Variants in APBB2 observed in about 807,000 individuals in gnomAD.
The protein encoded by APBB2 is Fe65-like 1.
In APBB2, 38 loss-of-function variants were observed where a neutral mutation model predicts 82.5. The ratio of observed to expected loss-of-function variants is 0.46; its 90% confidence interval spans 0.36 to 0.60. APBB2 has a LOEUF of 0.60. APBB2 is among the 20% of genes least tolerant of loss of function. APBB2 has a pLI of 0.00. For missense variants in APBB2, 772 were observed against 972.3 expected, an observed-to-expected ratio of 0.79 and a Z score of 2.74; for synonymous variants, 341 against 368.2, an observed-to-expected ratio of 0.93 and a Z score of 0.85.
intron 5 of APBB2, among the ~76,000 whole-genome samples, chr4:41,023,546 G>C (rs1416621937): frequency 1.3e-5 from 2 of 152,048 alleles, no homozygotes; most frequent in East Asian, 3.9e-4. Flanking sequence ...CAACAGCCAA[G>C]CAGGGAGCCA....
At chr4:40,961,774 C>G (rs928085741) in intron 6 of APBB2, among the ~76,000 whole-genome samples, 1 of 145,570 alleles carries the variant, frequency 6.9e-6, no homozygotes, top group East Asian at 2.2e-4. Context: ...ATAACTTCAT[C>G]GGTTATGATT....
At chr4:40,834,664 C>T (rs1251645761) in intron 12 of APBB2, among the ~76,000 whole-genome samples, 1 of 152,082 alleles carries the variant, frequency 6.6e-6, no homozygotes, top group African/African-American at 2.4e-5. Context: ...TCTAGGTGGG[C>T]CCCGCAAATT....
At position 40,818,640 on chromosome 4, in the gene APBB2, C is replaced by T. The variant is rs1746659321; in HGVS notation, c.2113-2381G>A. Among the ~76,000 whole-genome samples, 3 of 152,258 alleles carry T rather than the reference C, an allele frequency of 2.0e-5. No homozygotes were observed. In the South Asian group the frequency reaches 6.2e-4, roughly 32 times the overall value. The stretch of plus-strand genomic sequence containing the variant: ...GGTTCACCTGACTCCTCTACTGTCC[C>T]TGCTCCCCTGAACCCCAGCCCTGCT... On this transcript the variant is annotated intron_variant, in intron 17 of 17. Coordinates refer to ENST00000508593, the MANE Select transcript of APBB2 (RefSeq NM_004307.2).
At chr4:40,968,810 T>C (rs753014798) in intron 6 of APBB2, among the ~76,000 whole-genome samples, 13 of 152,328 alleles carry the variant, frequency 8.5e-5, no homozygotes, top group Non-Finnish European at 1.3e-4. Context: ...TCTCTTGATA[T>C]GGTTTGGCTG....
chr4:40,972,014 C>T (rs571772392), intron 6 of APBB2, among the ~76,000 whole-genome samples: 18 of 152,216 alleles, frequency 1.2e-4, no homozygotes, highest in African/African-American at 4.3e-4. Flanking sequence ...TCTCTAACAT[C>T]GAACAAAAGT....
intron 4 of APBB2, among the ~76,000 whole-genome samples, chr4:41,040,281 G>A (rs1327645566): frequency 1.3e-5 from 2 of 152,096 alleles, no homozygotes; most frequent in Non-Finnish European, 2.9e-5. Context: ...AAAACATACC[G>A]ATTCCCTCTT....
intron 4 of APBB2, among the ~76,000 whole-genome samples, chr4:41,048,897 G>C (rs1431416874): frequency 6.6e-6 from 1 of 152,166 alleles, no homozygotes; most frequent in African/African-American, 2.4e-5. Context: ...CTGGTCTCCA[G>C]CTCCTAACCG....
chr4:41,147,983 A>G (rs1330364159), intron 1 of APBB2, among the ~76,000 whole-genome samples: 1 of 152,210 alleles, frequency 6.6e-6, no homozygotes. Flanking sequence ...TATTTTTATT[A>G]TAAAAATTAG....
intron 6 of APBB2, among the ~76,000 whole-genome samples, chr4:40,956,713 A>T (rs1366628831): frequency 6.6e-6 from 1 of 151,992 alleles, no homozygotes; most frequent in African/African-American, 2.4e-5. Context: ...AAGATTTCTG[A>T]GTATCTTTGA....
chr4:40,880,855 C>A lies in APBB2; in HGVS notation c.1529+9509G>T, dbSNP rs941405815. The A allele has an allele frequency of 5.1e-6, 5 of 981,334 alleles. No individual in the cohort carries two copies. The African/African-American group carries it at 8.7e-5, about 17-fold the overall frequency. 60.8% of individuals were successfully genotyped at this position (981,334 alleles called of 1,614,324 possible). ...AACATGCTCACAAGAAATCCTGAAC[C>A]ATGCTTTGAGCCAGAGTTACCAAAA... On this transcript the variant is annotated intron_variant, in intron 12 of 17. Transcript: ENST00000508593.
intron 1 of APBB2, among the ~76,000 whole-genome samples, chr4:41,188,464 T>C (rs1158559883): frequency 6.6e-6 from 1 of 152,100 alleles, no homozygotes; most frequent in Non-Finnish European, 1.5e-5. Flanking sequence ...ACAGCCCTCA[T>C]GGATGGGATT....
chr4:41,077,804 C>T (rs1021079336), intron 3 of APBB2, among the ~76,000 whole-genome samples: 5 of 152,128 alleles, frequency 3.3e-5, no homozygotes, highest in Non-Finnish European at 5.9e-5. Context: ...GAATTCCCAA[C>T]GTGATTGCTA....
chr4:41,176,609 T>C (rs1006218485), intron 1 of APBB2, among the ~76,000 whole-genome samples: 8 of 152,210 alleles, frequency 5.3e-5, no homozygotes, highest in African/African-American at 1.7e-4. Flanking sequence ...TCAGTAATTC[T>C]GGCCGTAAAC....
At chr4:40,823,924 C>T (rs192235583) in intron 15 of APBB2, among the ~76,000 whole-genome samples, 165 bp from the exon 16 acceptor site, 52 of 152,298 alleles carry the variant, frequency 3.4e-4, no homozygotes, top group African/African-American at 8.2e-4. Context: ...AGCTTCTGGC[C>T]GGGCGTAGTG....
chr4:40,836,404 G>A (rs989607694), intron 12 of APBB2, among the ~76,000 whole-genome samples: 1 of 152,214 alleles, frequency 6.6e-6, no homozygotes, highest in African/African-American at 2.4e-5. Flanking sequence ...TTGAACTCAG[G>A]AGATGGAGGT....
chr4:41,085,394 T>C (rs1054954887), intron 3 of APBB2, among the ~76,000 whole-genome samples: 1 of 152,080 alleles, frequency 6.6e-6, no homozygotes, highest in African/African-American at 2.4e-5. Flanking sequence ...GAATGGAACA[T>C]CACTGATTCA....
chr4:41,116,176 A>G (rs1392828456), intron 2 of APBB2, among the ~76,000 whole-genome samples: 2 of 152,230 alleles, frequency 1.3e-5, no homozygotes, highest in Non-Finnish European at 2.9e-5. Flanking sequence ...AACATGGATG[A>G]AGCTGGAAAC....
At chr4:41,190,734 T>G (rs1164856253) in intron 1 of APBB2, among the ~76,000 whole-genome samples, 1 of 152,152 alleles carries the variant, frequency 6.6e-6, no homozygotes, top group Admixed American at 6.5e-5. Context: ...TACCTGTCCA[T>G]AAAAACACGG....
At chr4:40,980,222 C>T (rs1184626901) in intron 6 of APBB2, among the ~76,000 whole-genome samples, 3 of 152,182 alleles carry the variant, frequency 2.0e-5, no homozygotes, top group Non-Finnish European at 1.5e-5. Flanking sequence ...AGGTGTTTCA[C>T]TATGTTGCCC....
Sources: gnomAD v4.1 joint callset for allele counts (sites outside exome capture counted in the v4.1 genomes callset) on GRCh38, gnomAD v4.1.1 for gene constraint, MANE v1.5 for transcripts, NCBI Gene and HGNC (gene_info 2026-07-23, HGNC 2026-07-21) for gene names.